CRYZ: variants seen among roughly 807,000 people sequenced by gnomAD.
The protein encoded by CRYZ is crystallin zeta, also known as zeta-crystallin.
In CRYZ, 35 loss-of-function variants were observed where a neutral mutation model predicts 34.1. The observed-to-expected ratio is 1.03, with a 90% CI of 0.78 to 1.36. The LOEUF (loss-of-function observed/expected upper bound fraction) is 1.36. Ranked by LOEUF, CRYZ falls within the 40% of genes most tolerant of loss-of-function variation. CRYZ has a pLI of 0.00. For synonymous variants in CRYZ, 137 were observed against 136.5 expected, an observed-to-expected ratio of 1.00 and a Z score of -0.03; for missense variants, 403 against 391.8, an observed-to-expected ratio of 1.03 and a Z score of -0.24.
At chr1:74,723,079 T>G in intron 3 of CRYZ, 39 bp downstream of exon 3, 1 of 1,590,962 alleles carries the variant, frequency 6.3e-7, no homozygotes. Flanking sequence ...TTTTATGAAA[T>G]AAATTCAGCC....
At chr1:74,725,439 C>T (rs1378488427) in intron 1 of CRYZ, among the ~76,000 whole-genome samples, 2 of 152,126 alleles carry the variant, frequency 1.3e-5, no homozygotes, top group African/African-American at 4.8e-5. Flanking sequence ...TTTATAAAAC[C>T]ATCAGATATT....
intron 1 of CRYZ, among the ~76,000 whole-genome samples, chr1:74,726,726 A>C (rs2100730760): frequency 6.6e-6 from 1 of 152,208 alleles, no homozygotes; most frequent in East Asian, 1.9e-4. Context: ...AAATTTTCTG[A>C]AATTTTATGC....
chr1:74,727,762 G>A (rs115495683), intron 1 of CRYZ, among the ~76,000 whole-genome samples: 3 of 151,760 alleles, frequency 2.0e-5, no homozygotes, highest in African/African-American at 4.8e-5. Flanking sequence ...CCCATGACAC[G>A]TGGGAATTAT....
intron 4 of CRYZ, 62 bp downstream of exon 4, chr1:74,719,147 G>C: frequency 6.6e-7 from 1 of 1,517,274 alleles, no homozygotes; most frequent in Non-Finnish European, 9.1e-7. Context: ...CAGCTAGAAG[G>C]CAGGCAGTTA....
chr1:74,725,125 T>C (rs150010267), intron 1 of CRYZ, among the ~76,000 whole-genome samples: 387 of 152,368 alleles, frequency 2.5e-3, no homozygotes, highest in African/African-American at 8.7e-3. Flanking sequence ...TTAGGTTTTC[T>C]TGCTTGAGTT....
In CRYZ at chr1:74,710,057, G is replaced by A. The variant is rs1646980394; in HGVS notation, c.630+41C>T. ...ATTAAAAAACCACGCAAGTCTCCAA[G>A]GAACAAAGTTTGACTTTTGTAAAAC... On this transcript the variant is annotated intron_variant, in intron 6 of 8. Coordinates refer to ENST00000340866, the MANE Select transcript of CRYZ (RefSeq NM_001889.4). 4.5e-6 allele frequency: 7 copies of A among 1,572,524 alleles called. No homozygotes were observed. The Admixed American group carries it at 6.9e-5, about 16-fold the overall frequency.
chr1:74,719,165 CCT>C, intron 4 of CRYZ, 42 bp downstream of exon 4: 3 of 1,594,466 alleles, frequency 1.9e-6, no homozygotes, highest in Non-Finnish European at 2.6e-6. Context: ...TTAACACTAC[CCT>C]CTTTTGGCAT....
chr1:74,724,640 T>A, intron 2 of CRYZ, 71 bp downstream of exon 2: 1 of 960,032 alleles, frequency 1.0e-6, no homozygotes, highest in Non-Finnish European at 1.6e-6. Context: ...AGTCTGCTTC[T>A]TTTTAATACA....
chr1:74,722,984 G>C, intron 3 of CRYZ, 134 bp downstream of exon 3: 4 of 787,854 alleles, frequency 5.1e-6, no homozygotes, highest in South Asian at 1.8e-5. Context: ...TTTTTGACTA[G>C]AGGAGTCCCC....
chr1:74,715,071 ATT>A (rs1411466739), intron 4 of CRYZ, among the ~76,000 whole-genome samples: 1 of 151,718 alleles, frequency 6.6e-6, no homozygotes, highest in Non-Finnish European at 1.5e-5. Flanking sequence ...CACAGTAGCT[ATT>A]TTTTTTGCCC....
chr1:74,733,026 C>T lies in CRYZ; in HGVS notation c.-84G>A. The T allele has an allele frequency of 1.6e-6, 1 of 608,618 alleles. No individual in the cohort carries two copies. Among genetic ancestry groups the T allele is most frequent in the East Asian group, 2.9e-5 (1 of 34,170 alleles). The allele number at this position is 608,618 out of a possible 1,614,324, so 37.7% of individuals were successfully genotyped here. A position where few individuals can be genotyped will look rare whatever the true frequency, so the allele number is the denominator to read the frequency against. On this transcript the variant is annotated 5_prime_UTR_variant, in exon 1 of 9. Transcript: ENST00000340866. The stretch of plus-strand genomic sequence containing the variant: ...TCCACAGAAATGAGGACTGCCACAC[C>T]TTCTCCAACTTTTGCAGGCTCCACC...
At chr1:74,726,116 C>G (rs989582212) in intron 1 of CRYZ, among the ~76,000 whole-genome samples, 17 of 152,216 alleles carry the variant, frequency 1.1e-4, no homozygotes, top group African/African-American at 3.9e-4. Flanking sequence ...ATCTACCATT[C>G]TGGGGTCTGG....
At position 74,706,177 on chromosome 1, in the gene CRYZ, A is replaced by T. The variant is rs534182818; in HGVS notation, c.*119T>A. 4 of 902,744 alleles carry T rather than the reference A, an allele frequency of 4.4e-6. No individual in the cohort carries two copies. The South Asian group carries it at 1.0e-4, about 23-fold the overall frequency. The allele number at this position is 902,744 out of a possible 1,614,324, so 55.9% of individuals were successfully genotyped here. ...CTTCTGCTCTCTAAAGAAAAATCTT[A>T]TTTTTTCACATAAGAAGCTCATGGA... On this transcript the variant is annotated 3_prime_UTR_variant, in exon 9 of 9. Transcript: ENST00000340866.
rs188933100 is a variant in CRYZ, at chr1:74,705,526, C to A, written c.*770G>T. On this transcript the variant is annotated 3_prime_UTR_variant, in exon 9 of 9. Coordinates refer to ENST00000340866, the MANE Select transcript of CRYZ (RefSeq NM_001889.4). ...GACTTTATTACACATTATTATGTTACGAGACAAATGCAGATAATTCTTAAT... is the reference window on the plus strand; with the variant it reads ...GACTTTATTACACATTATTATGTTAAGAGACAAATGCAGATAATTCTTAAT... 1.3e-5 allele frequency: 2 copies of A among 152,004 alleles called. No individual in the cohort carries two copies. The highest frequency in any genetic ancestry group is 2.9e-5 in the Non-Finnish European group (2 of 67,966). The allele number at this position is 152,004 out of a possible 1,614,324, so 9.4% of individuals were successfully genotyped here.
Position 74,724,758 on chromosome 1 carries a change from G to A in CRYZ, c.64C>T (p.Leu22=), listed in dbSNP as rs1364046556. 3.7e-6 allele frequency: 6 copies of A among 1,613,486 alleles called. No individual in the cohort carries two copies. The highest frequency in any genetic ancestry group is 2.2e-5 in the South Asian group (2 of 90,978). Residue 22 remains leucine, a synonymous_variant, in exon 2 of 9, where the codon CTG becomes TTG. Transcript: ENST00000340866. ...RVFEFGGPEV[L]KLRSDIAVPI... ...ACTGCAATATCTGATCGCAATTTCA[G>A]GACTTCTGGCCCACCAAATTCAAAA...
At chr1:74,720,421 A>G (rs1246129666) in intron 3 of CRYZ, among the ~76,000 whole-genome samples, 2 of 152,188 alleles carry the variant, frequency 1.3e-5, no homozygotes, top group African/African-American at 4.8e-5. Flanking sequence ...ACTCAGGGTG[A>G]AACAATGCCC....
intron 1 of CRYZ, among the ~76,000 whole-genome samples, chr1:74,732,393 C>T (rs928125971): frequency 6.8e-6 from 1 of 147,474 alleles, no homozygotes; most frequent in Non-Finnish European, 1.5e-5. Flanking sequence ...AATCAAATCC[C>T]TACAGCTGGG....
At chr1:74,719,705 A>G (rs1165350129) in intron 3 of CRYZ, among the ~76,000 whole-genome samples, 1 of 152,016 alleles carries the variant, frequency 6.6e-6, no homozygotes. Context: ...CATGTTGGTC[A>G]GGCTGGTCTT....
intron 4 of CRYZ, among the ~76,000 whole-genome samples, chr1:74,715,577 C>T (rs144132624): frequency 1.3e-5 from 2 of 152,336 alleles, no homozygotes; most frequent in African/African-American, 4.8e-5. Context: ...ATAAGTGAAG[C>T]TTTCTCCCAC....
Sources: gnomAD v4.1 joint callset for allele counts (sites outside exome capture counted in the v4.1 genomes callset) on GRCh38, gnomAD v4.1.1 for gene constraint, MANE v1.5 for transcripts, NCBI Gene and HGNC (gene_info 2026-07-23, HGNC 2026-07-21) for gene names.